The following FBN3 variants were observed in gnomAD, a reference collection of about 807,000 sequenced individuals.
FBN3 encodes the protein fibrillin 3.
Under a neutral mutation model 330.1 loss-of-function variants are expected in FBN3, and 234 were observed. The ratio of observed to expected loss-of-function variants is 0.71; its 90% CI spans 0.64 to 0.79. FBN3 has a LOEUF of 0.79. Ranked by LOEUF, FBN3 falls within the 30% of genes least tolerant of loss-of-function variation. The probability of loss-of-function intolerance (pLI) is 0.00; values close to 1 mark genes in which losing one functional copy is unlikely to be tolerated. For synonymous variants in FBN3, 1,458 were observed against 1,517.3 expected, an observed-to-expected ratio of 0.96 and a Z score of 0.91; for missense variants, 3,606 against 3,886.9, an observed-to-expected ratio of 0.93 and a Z score of 1.92.
intron 47 of FBN3, among the ~76,000 whole-genome samples, chr19:8,092,666 G>C (rs1332787777): frequency 7.5e-6 from 1 of 133,490 alleles, no homozygotes; most frequent in Admixed American, 8.4e-5. Flanking sequence ...AGTGAGCTGA[G>C]ACTGTGCCAC....
At chr19:8,084,536 C>T (rs527415862) in intron 56 of FBN3, among the ~76,000 whole-genome samples, 46 of 152,068 alleles carry the variant, frequency 3.0e-4, no homozygotes, top group South Asian at 1.5e-3. Flanking sequence ...GCCTCTCCCA[C>T]GGCCCCAAAG....
intron 8 of FBN3, among the ~76,000 whole-genome samples, chr19:8,141,152 G>A (rs1160847934): frequency 1.1e-4 from 15 of 131,080 alleles, no homozygotes; most frequent in African/African-American, 3.2e-4. Flanking sequence ...CCGAGATCGC[G>A]CCACTGCACT....
intron 41 of FBN3, among the ~76,000 whole-genome samples, chr19:8,098,801 T>A (rs1415475478): frequency 6.6e-6 from 1 of 152,044 alleles, no homozygotes. Context: ...AATATAAGTG[T>A]CCATCCAAAG....
At chr19:8,133,192 C>T in intron 13 of FBN3, 86 bp from the exon 14 acceptor site, 1 of 1,448,488 alleles carries the variant, frequency 6.9e-7, no homozygotes, top group Non-Finnish European at 9.2e-7. Context: ...GGCTGACCCC[C>T]CAGGATCCCT....
chr19:8,127,429 T>C (rs989253114), intron 18 of FBN3, among the ~76,000 whole-genome samples: 16 of 152,170 alleles, frequency 1.1e-4, no homozygotes, highest in Admixed American at 7.2e-4. Context: ...TGGGGTTTTT[T>C]GTTTGTTTGC....
rs747554905 is a variant in FBN3, at chr19:8,112,005, G to C, written c.3933C>G (p.Gly1311=). The C allele has an allele frequency of 1.3e-6, 2 of 1,583,228 alleles. No individual in the cohort carries two copies. The highest frequency in any genetic ancestry group is 1.7e-6 in the Non-Finnish European group (2 of 1,161,956). The stretch of plus-strand genomic sequence containing the variant: ...GACATTCGAAGCCATCCCCCACCCA[G>C]CCTGGCAGGCACCTACAGCTGAAAC... The part of the protein sequence containing the change: ...PGSFSCRCLP[G]WVGDGFECHD... Residue 1311 remains glycine (G), a synonymous_variant, in exon 31 of 64, where the codon GGC becomes GGG. Transcript: ENST00000600128.
chr19:8,145,516 T>C (rs1030987261), intron 5 of FBN3, among the ~76,000 whole-genome samples: 1 of 149,540 alleles, frequency 6.7e-6, no homozygotes, highest in African/African-American at 2.5e-5. Context: ...CCATCTCTAC[T>C]AAAAATACAA....
chr19:8,089,438 A>C (rs1274695736), intron 51 of FBN3, 107 bp downstream of exon 51: 11 of 1,279,398 alleles, frequency 8.6e-6, no homozygotes, highest in Middle Eastern at 4.5e-4. Context: ...GCAGTGGTTA[A>C]GGACAGGATC....
chr19:8,084,349 G>A (rs533900826), intron 56 of FBN3, among the ~76,000 whole-genome samples: 5 of 151,976 alleles, frequency 3.3e-5, no homozygotes, highest in African/African-American at 7.3e-5. Context: ...CAGCTCCCAC[G>A]CAGTCCGGAA....
intron 25 of FBN3, among the ~76,000 whole-genome samples, chr19:8,120,400 A>C (rs1382679999): frequency 2.0e-5 from 3 of 151,106 alleles, no homozygotes; most frequent in African/African-American, 7.3e-5. Flanking sequence ...AAACTCCTGA[A>C]CTCAGGCAAT....
At chr19:8,145,698 A>AAG in intron 5 of FBN3, 145 bp downstream of exon 5, 1 of 567,354 alleles carries the variant, frequency 1.8e-6, no homozygotes, top group Non-Finnish European at 3.0e-6. Flanking sequence ...AAAAAAAAAA[A>AAG]AAGAGACTGT....
rs1224680282 is a variant in FBN3, at chr19:8,129,172, A to C, written c.2171-19T>G. On this transcript the variant is annotated intron_variant, in intron 17 of 63. Coordinates refer to ENST00000600128, the MANE Select transcript of FBN3 (RefSeq NM_032447.5). The surrounding 1 kb of genome is among the most constrained non-coding windows in gnomAD (Gnocchi z 4.5). ...TCCACGTCTGTGGGGTGGGGGTGGG[A>C]GAGAGGGGTGAGGGGTCTGCAGTGG... 3.1e-6 allele frequency: 5 copies of C among 1,611,146 alleles called. No individual in the cohort carries two copies. Among genetic ancestry groups the C allele is most frequent in the Non-Finnish European group, 4.2e-6 (5 of 1,178,756 alleles).
Position 8,086,105 on chromosome 19 carries a change from GCAGGCAGTGGGGGGAA to G in FBN3, c.6880+79_6880+94del, listed in dbSNP as rs1189385042. The G allele has an allele frequency of 2.6e-5, 12 of 467,208 alleles. No individual in the cohort carries two copies. The African/African-American group carries it at 2.6e-4, about 10-fold the overall frequency. The allele number at this position is 467,208 out of a possible 1,614,324, so 28.9% of individuals were successfully genotyped here. ...GTGGGAGGGACAGGGAGTGAAGGGG[GCAGGCAGTGGGGGGAA>G]CAGGCAGTGGGGGGGGACAGGCAGT... On this transcript the variant is annotated intron_variant, in intron 55 of 63. Transcript: ENST00000600128.
intron 20 of FBN3, 34 bp downstream of exon 20, chr19:8,126,434 A>G (rs1490813265): frequency 4.4e-6 from 7 of 1,602,002 alleles, no homozygotes; most frequent in Non-Finnish European, 6.0e-6. Flanking sequence ...GGCTTTTCCC[A>G]TGGGTGCCTG....
intron 47 of FBN3, among the ~76,000 whole-genome samples, chr19:8,092,033 C>A (rs1399999807): frequency 6.6e-6 from 1 of 151,894 alleles, no homozygotes; most frequent in East Asian, 1.9e-4. Context: ...AAAAAATTAG[C>A]CGGGTGTGGT....
chr19:8,088,994 ATGAG>A (rs987451100), intron 51 of FBN3, among the ~76,000 whole-genome samples: 7 of 152,344 alleles, frequency 4.6e-5, no homozygotes, highest in Admixed American at 1.3e-4. Flanking sequence ...AAAGGAGTGA[ATGAG>A]TGAGAGAATT....
In FBN3 at chr19:8,116,783, T is replaced by G. The variant is rs763514496; in HGVS notation, c.3603A>C (p.Glu1201Asp). Residue 1201 changes from glutamate (E) to aspartate (D), a missense_variant, in exon 29 of 64, where the codon GAA (glutamate) becomes GAC (aspartate). By Grantham distance (45) the Glu-to-Asp change is conservative (BLOSUM62 2). Coordinates refer to ENST00000600128, the MANE Select transcript of FBN3 (RefSeq NM_032447.5). ...CTTGGTCACAAACGCGGGGGTTCTC[T>G]TCACACTCGTCCACGTCTGGGGGAG... Reference protein sequence around the residue: ...GRACADVDECEENPRVCDQGH... With the variant: ...GRACADVDECDENPRVCDQGH... The G allele has an allele frequency of 4.3e-6, 7 of 1,613,996 alleles. No homozygotes were observed. Among genetic ancestry groups the G allele is most frequent in the Non-Finnish European group, 5.1e-6 (6 of 1,179,944 alleles).
chr19:8,121,496 C>T lies in FBN3; in HGVS notation c.3083-110G>A. ...GAGGTGTGGGCTAGAGGAAGCCCAT[C>T]TGCAGACATAAGGAGGCACAGGCCA... On this transcript the variant is annotated intron_variant, in intron 24 of 63. Transcript: ENST00000600128. The surrounding 1 kb of genome is among the most constrained non-coding windows in gnomAD (Gnocchi z 4.5). 1.8e-6 allele frequency: 2 copies of T among 1,142,148 alleles called. No individual in the cohort carries two copies. The highest frequency in any genetic ancestry group is 2.4e-6 in the Non-Finnish European group (2 of 834,498). The allele number at this position is 1,142,148 out of a possible 1,614,324, so 70.8% of individuals were successfully genotyped here. A position where few individuals can be genotyped will look rare whatever the true frequency, so the allele number is the denominator to read the frequency against.
Position 8,117,170 on chromosome 19 carries a change from T to G in FBN3, c.3585A>C (p.Ala1195=). ...TGGGAAGAAGTTGTGCCCACCTACC[T>G]GCACATGCCCTTCCGTCGGGCATCA... ...YSLMPDGRAC[A]DVDECEENPR... The change falls in exon 28 of 64, where the codon GCA becomes GCC. Residue 1195 remains alanine, a splice_region_variant and synonymous_variant. Transcript: ENST00000600128. 1.2e-6 allele frequency: 2 copies of G among 1,614,006 alleles called. No homozygotes were observed. The highest frequency in any genetic ancestry group is 1.7e-6 in the Non-Finnish European group (2 of 1,179,950).
Sources: allele counts gnomAD v4.1 joint callset (sites outside exome capture counted in the v4.1 genomes callset), GRCh38; gene constraint gnomAD v4.1.1; non-coding constraint Gnocchi (gnomAD v3.1); transcripts MANE v1.5; gene names NCBI Gene and HGNC (gene_info 2026-07-23, HGNC 2026-07-21).